The following UNC5D variants were observed in gnomAD, a reference collection of about 807,000 sequenced individuals.
The protein encoded by UNC5D is netrin receptor UNC5D.
A neutral mutation model predicts 105.4 loss-of-function variants in UNC5D; 39 were observed. That is an observed-to-expected ratio of 0.37 (90% confidence interval 0.29 to 0.48). The LOEUF (loss-of-function observed/expected upper bound fraction) is 0.48, where lower values mean the gene tolerates loss of function less well. Ranked by LOEUF, UNC5D falls within the 20% of genes least tolerant of loss-of-function variation. The pLI is 0.98. For synonymous variants in UNC5D, 452 were observed against 450.4 expected (o/e 1.00, Z -0.04); for missense variants, 991 against 1,202.4 (o/e 0.82, Z 2.60).
chr8:35,459,157 TACTGG>T (rs555492335), intron 1 of UNC5D, among the ~76,000 whole-genome samples: 47 of 152,252 alleles, frequency 3.1e-4, no homozygotes, highest in Admixed American at 1.3e-3. Context: ...AGAAGGGGAT[TACTGG>T]ACAGGCTAAT....
intron 4 of UNC5D, among the ~76,000 whole-genome samples, chr8:35,623,061 A>G (rs1821456320): frequency 6.6e-6 from 1 of 152,204 alleles, no homozygotes; most frequent in Non-Finnish European, 1.5e-5. Flanking sequence ...TGGAACGTCT[A>G]GAATCAATAT....
At chr8:35,593,608 A>G (rs887749655) in intron 3 of UNC5D, among the ~76,000 whole-genome samples, 5 of 152,142 alleles carry the variant, frequency 3.3e-5, no homozygotes, top group Admixed American at 6.6e-5. Flanking sequence ...AAAATTTTTT[A>G]AAAAGTAGCC....
At chr8:35,707,323 AAAAT>A (rs1162353755) in intron 8 of UNC5D, among the ~76,000 whole-genome samples, 1 of 152,208 alleles carries the variant, frequency 6.6e-6, no homozygotes, top group African/African-American at 2.4e-5. Flanking sequence ...GAAAACAGCA[AAAAT>A]AAACATTTAA....
chr8:35,615,033 GGGGCCCC>G (rs752208233), intron 4 of UNC5D, among the ~76,000 whole-genome samples: 918 of 47,948 alleles, frequency 0.019, 71 homozygotes, highest in African/African-American at 0.032. Flanking sequence ...AACATAGTGA[GGGGCCCC>G]CCCCCCCCCG....
chr8:35,493,043 A>G (rs1202456201), intron 1 of UNC5D, among the ~76,000 whole-genome samples: 1 of 152,078 alleles, frequency 6.6e-6, no homozygotes, highest in Admixed American at 6.6e-5. Context: ...AGTTTTCCTC[A>G]GTTCGACAAG....
chr8:35,422,481 A>G (rs1355863864), intron 1 of UNC5D, among the ~76,000 whole-genome samples: 2 of 152,208 alleles, frequency 1.3e-5, no homozygotes, highest in Non-Finnish European at 1.5e-5. Flanking sequence ...GTAGGAGACC[A>G]CTCATTGGAT....
intron 1 of UNC5D, among the ~76,000 whole-genome samples, chr8:35,501,775 G>T (rs1463907111): frequency 6.6e-6 from 1 of 152,130 alleles, no homozygotes; most frequent in Non-Finnish European, 1.5e-5. Flanking sequence ...GCCTTACAAA[G>T]TTCCTGCTCT....
rs539926185 is a variant in UNC5D, at chr8:35,615,165, G to A, written c.570+19508G>A. ...AAGGCAGGAGGACTGCTTGAGCCCA[G>A]GAGGTTGAGGCTGTAGCGAGGCATG... On this transcript the variant is annotated intron_variant, in intron 4 of 16. Transcript: ENST00000404895. Among the ~76,000 whole-genome samples the A allele has an allele frequency of 5.3e-5, 8 of 152,148 alleles. No individual in the cohort carries two copies. In the East Asian group the frequency reaches 1.5e-3, roughly 29 times the overall value.
intron 1 of UNC5D, among the ~76,000 whole-genome samples, chr8:35,337,740 CTATT>C (rs934847079): frequency 6.6e-6 from 1 of 151,138 alleles, no homozygotes; most frequent in Non-Finnish European, 1.5e-5. Context: ...TAGACTGACT[CTATT>C]TCTTTCTTTT....
At chr8:35,371,101 T>C (rs1479883409) in intron 1 of UNC5D, among the ~76,000 whole-genome samples, 8 of 151,942 alleles carry the variant, frequency 5.3e-5, no homozygotes, top group African/African-American at 1.7e-4. Context: ...TAGTCGTAGC[T>C]ACTTGGGAGG....
chr8:35,337,869 G>A (rs866588318), intron 1 of UNC5D, among the ~76,000 whole-genome samples: 12 of 151,968 alleles, frequency 7.9e-5, no homozygotes, highest in Admixed American at 6.6e-4. Flanking sequence ...AATTATTAAA[G>A]GTTTGTGTTT....
chr8:35,534,159 T>C (rs1320120372), intron 1 of UNC5D, among the ~76,000 whole-genome samples: 1 of 152,136 alleles, frequency 6.6e-6, no homozygotes, highest in African/African-American at 2.4e-5. Flanking sequence ...TTTTCTTTTG[T>C]AGTTTTTTAT....
At chr8:35,770,398 C>T (rs1801958121) in intron 15 of UNC5D, among the ~76,000 whole-genome samples, 1 of 152,068 alleles carries the variant, frequency 6.6e-6, no homozygotes, top group Non-Finnish European at 1.5e-5. Context: ...CCCTTCATGC[C>T]TCTGATCTAA....
intron 13 of UNC5D, among the ~76,000 whole-genome samples, chr8:35,756,758 T>C (rs971085638): frequency 1.3e-5 from 2 of 152,108 alleles, no homozygotes; most frequent in East Asian, 3.9e-4. Flanking sequence ...GCTCTAAATC[T>C]TAAGTTCCCT....
intron 1 of UNC5D, among the ~76,000 whole-genome samples, chr8:35,462,816 A>G (rs1487286122): frequency 1.3e-5 from 2 of 152,304 alleles, no homozygotes; most frequent in East Asian, 3.9e-4. Context: ...GGGTGTAATC[A>G]AAGACTCCAG....
At chr8:35,495,458 C>CAAAAAAAAAAAAAAAAAA (rs71547636) in intron 1 of UNC5D, among the ~76,000 whole-genome samples, 3 of 44,602 alleles carry the variant, frequency 6.7e-5, no homozygotes, top group Admixed American at 3.5e-4. Context: ...ACAACAACAA[C>CAAAAAAAAAAAAAAAAAA]AAAAAAAAAA....
chr8:35,716,724 T>G (rs1166887383), intron 8 of UNC5D, among the ~76,000 whole-genome samples: 1 of 152,168 alleles, frequency 6.6e-6, no homozygotes, highest in Non-Finnish European at 1.5e-5. Context: ...GGTTGGGAAA[T>G]TGGAAAGGCA....
chr8:35,525,387 T>C (rs568560588), intron 1 of UNC5D: 4 of 1,612,162 alleles, frequency 2.5e-6, no homozygotes, highest in African/African-American at 1.3e-5. Context: ...CCATTTACAG[T>C]CTTTAATGGT....
intron 4 of UNC5D, among the ~76,000 whole-genome samples, chr8:35,652,874 C>A (rs1823507741): frequency 6.9e-6 from 1 of 145,714 alleles, no homozygotes; most frequent in African/African-American, 2.6e-5. Flanking sequence ...CTTTTAAGAT[C>A]CTCTTGTCTT....
Sources: gnomAD v4.1 joint callset for allele counts (sites outside exome capture counted in the v4.1 genomes callset) on GRCh38, gnomAD v4.1.1 for gene constraint, MANE v1.5 for transcripts, NCBI Gene and HGNC (gene_info 2026-07-23, HGNC 2026-07-21) for gene names.